Variants in DAB1 observed in about 807,000 individuals in gnomAD.
DAB1 encodes disabled homolog 1.
A neutral mutation model predicts 64.6 loss-of-function variants in DAB1; 15 were observed. That is an observed-to-expected ratio of 0.23 (90% CI 0.16 to 0.36). The LOEUF (loss-of-function observed/expected upper bound fraction) is 0.36. Among genes scored for constraint, DAB1 ranks in the 10% least tolerant of loss-of-function variants. The pLI is 1.00. For synonymous variants in DAB1, 235 were observed against 251.9 expected (o/e 0.93, Z 0.64); for missense variants, 596 against 706.7 (o/e 0.84, Z 1.78).
intron 1 of DAB1, among the ~76,000 whole-genome samples, chr1:58,543,926 C>T (rs527707198): frequency 6.6e-6 from 1 of 152,250 alleles, no homozygotes; most frequent in Admixed American, 6.5e-5. Flanking sequence ...GTGACTGGTG[C>T]ATCTGAGGAA....
At chr1:58,428,465 AG>A (rs940337110) in intron 3 of DAB1, among the ~76,000 whole-genome samples, 21 of 152,350 alleles carry the variant, frequency 1.4e-4, no homozygotes, top group African/African-American at 5.1e-4. Context: ...AATAAAACAA[AG>A]GTATCCATAC....
chr1:57,702,870 A>T (rs3126023), intron 6 of DAB1, among the ~76,000 whole-genome samples: 1 of 151,824 alleles, frequency 6.6e-6, no homozygotes, highest in Non-Finnish European at 1.5e-5. Context: ...GAATAGAGAA[A>T]CCAGAAATGA....
intron 3 of DAB1, among the ~76,000 whole-genome samples, chr1:58,434,416 A>AAG (rs1644919202): frequency 6.6e-6 from 1 of 151,780 alleles, no homozygotes; most frequent in Admixed American, 6.6e-5. Flanking sequence ...GAAAAAGAAA[A>AAG]AAAAAAAAAG....
intron 3 of DAB1, among the ~76,000 whole-genome samples, chr1:58,395,090 G>A (rs2100558521): frequency 6.6e-6 from 1 of 152,232 alleles, no homozygotes; most frequent in South Asian, 2.1e-4. Context: ...GCAGCTTCTT[G>A]TGGCTGGTTC....
intron 1 of DAB1, among the ~76,000 whole-genome samples, chr1:57,840,404 A>T (rs1388202589): frequency 6.6e-6 from 1 of 152,198 alleles, no homozygotes; most frequent in East Asian, 1.9e-4. Flanking sequence ...AAGGCATAGA[A>T]GTGTGAAAAA....
In DAB1 at chr1:58,300,596, GAA is replaced by G. The variant is rs1421874565; in HGVS notation, n.309+42754_309+42755del. On this transcript the variant is annotated intron_variant and non_coding_transcript_variant, in intron 4 of 20. Coordinates refer to the DAB1 transcript ENST00000485760. Reference sequence around the variant, plus strand: ...AGAAAGAAAGAAAGAAAGAAAGAAAGAAAGAAAGAAAGAAAGAGAGAGAGAGA... The same window carrying G: ...AGAAAGAAAGAAAGAAAGAAAGAAAGAGAAAGAAAGAAAGAGAGAGAGAGA... Among the ~76,000 whole-genome samples, 44 of 41,172 alleles carry G rather than the reference GAA, an allele frequency of 1.1e-3. 2 individuals carry two copies. The highest frequency in any genetic ancestry group is 3.3e-3 in the African/African-American group (37 of 11,068). The allele number at this position is 41,172 out of a possible 152,430, so 27.0% of individuals were successfully genotyped here.
chr1:58,207,696 A>T (rs370061886), intron 4 of DAB1, among the ~76,000 whole-genome samples: 1 of 152,172 alleles, frequency 6.6e-6, no homozygotes, highest in Admixed American at 6.5e-5. Flanking sequence ...AAATAGATAG[A>T]TACTTTTTAA....
At chr1:58,297,029 C>G (rs1196928822) in intron 4 of DAB1, among the ~76,000 whole-genome samples, 2 of 152,164 alleles carry the variant, frequency 1.3e-5, no homozygotes, top group South Asian at 2.1e-4. Flanking sequence ...AGCATCTTCT[C>G]TAGGTCAAGT....
intron 5 of DAB1, among the ~76,000 whole-genome samples, chr1:57,935,021 T>C (rs1295169340): frequency 2.0e-5 from 3 of 152,208 alleles, no homozygotes; most frequent in Non-Finnish European, 4.4e-5. Flanking sequence ...ACTCAGTCTC[T>C]TGTTCCATCT....
intron 7 of DAB1, among the ~76,000 whole-genome samples, chr1:57,617,080 G>A (rs1208428659): frequency 6.6e-6 from 1 of 152,146 alleles, no homozygotes; most frequent in Non-Finnish European, 1.5e-5. Flanking sequence ...GTCACTCTGT[G>A]TCAGTAGTGG....
At chr1:58,469,130 A>C (rs1385106388) in intron 3 of DAB1, 2 of 158,992 alleles carry the variant, frequency 1.3e-5, no homozygotes, top group Non-Finnish European at 2.7e-5. Context: ...ACTTTCATTT[A>C]TTTTTGGTAT....
At chr1:57,284,456 T>C in intron 2 of DAB1, among the ~76,000 whole-genome samples, 1 of 152,172 alleles carries the variant, frequency 6.6e-6, no homozygotes, top group Non-Finnish European at 1.5e-5. Context: ...ATTTCAAAAT[T>C]GGGCAAGCAA....
chr1:58,366,073 G>A (rs946929932), intron 3 of DAB1, among the ~76,000 whole-genome samples: 44 of 152,286 alleles, frequency 2.9e-4, no homozygotes, highest in African/African-American at 1.1e-3. Flanking sequence ...TCAACACTGA[G>A]CTCCCAATAC....
chr1:58,198,831 C>T (rs1657837834), intron 4 of DAB1, among the ~76,000 whole-genome samples: 2 of 152,100 alleles, frequency 1.3e-5, no homozygotes, highest in African/African-American at 4.8e-5. Context: ...GCTGGATGGC[C>T]ATGCGCAGTG....
intron 6 of DAB1, among the ~76,000 whole-genome samples, chr1:57,799,562 G>GA (rs10718933): frequency 0.016 from 2,016 of 123,704 alleles, 34 homozygotes; most frequent in Admixed American, 0.037. Context: ...TTTGAGATGA[G>GA]AAAAAAAAAA....
intron 5 of DAB1, among the ~76,000 whole-genome samples, chr1:57,916,149 C>CA (rs764596245): frequency 5.3e-5 from 8 of 152,140 alleles, no homozygotes; most frequent in Non-Finnish European, 1.0e-4. Context: ...AAGTAATAGG[C>CA]AAAAGTCCTC....
At chr1:57,623,064 C>T (rs947296358) in intron 7 of DAB1, among the ~76,000 whole-genome samples, 1 of 152,146 alleles carries the variant, frequency 6.6e-6, no homozygotes, top group Non-Finnish European at 1.5e-5. Context: ...ATCATTGCTG[C>T]TTTTTTTCCC....
At position 58,118,469 on chromosome 1, in the gene DAB1, CATATATATATAT is replaced by C. The variant is rs370100684; in HGVS notation, n.387+32030_387+32041del. 4.0e-3 allele frequency among the ~76,000 whole-genome samples: 88 copies of C among 22,034 alleles called. 5 individuals carry two copies. Among genetic ancestry groups the C allele is most frequent in the African/African-American group, 0.014 (60 of 4,178 alleles). 14.5% of individuals were successfully genotyped at this position (22,034 alleles called of 152,430 possible). Reference sequence around the variant, plus strand: ...CATGATGCCAGGCACTATCCTAAGGCATATATATATATATATATATATATATATATATATACA... The same window carrying C: ...CATGATGCCAGGCACTATCCTAAGGCATATATATATATATATATATATACA... On this transcript the variant is annotated intron_variant and non_coding_transcript_variant, in intron 5 of 20. Coordinates refer to the DAB1 transcript ENST00000485760.
At chr1:58,486,836 G>T (rs1645583245) in intron 3 of DAB1, among the ~76,000 whole-genome samples, 1 of 152,160 alleles carries the variant, frequency 6.6e-6, no homozygotes, top group East Asian at 1.9e-4. Context: ...CTGTAAGGAG[G>T]ACACTAGCTT....
Sources: gnomAD v4.1 joint callset for allele counts (sites outside exome capture counted in the v4.1 genomes callset) on GRCh38, gnomAD v4.1.1 for gene constraint, MANE v1.5 for transcripts, NCBI Gene and HGNC (gene_info 2026-07-23, HGNC 2026-07-21) for gene names.